The following MAPDA variants were observed in gnomAD, a reference collection of about 807,000 sequenced individuals.
The protein encoded by MAPDA is N6,N6-dimethyl-AMP deaminase.
chr15:43,347,169 G>A, the MAPDA span: 1 of 1,198,712 alleles, frequency 8.3e-7, no homozygotes, highest in Non-Finnish European at 1.2e-6. Flanking sequence ...TAAGTGACTA[G>A]GAATAAACCG....
chr15:43,334,111 GT>G, the MAPDA span, among the ~76,000 whole-genome samples: 2 of 151,408 alleles, frequency 1.3e-5, no homozygotes, highest in Non-Finnish European at 2.9e-5. Context: ...ACTGGCTCAT[GT>G]GGGAACATAG....
At chr15:43,337,231 G>A in the MAPDA span, among the ~76,000 whole-genome samples, 6 of 144,782 alleles carry the variant, frequency 4.1e-5, no homozygotes, top group Non-Finnish European at 6.0e-5. Flanking sequence ...AGCCGAGATC[G>A]CGCCACCGCA....
chr15:43,335,844 G>A, the MAPDA span: 2 of 1,601,314 alleles, frequency 1.2e-6, no homozygotes, highest in East Asian at 4.5e-5. Flanking sequence ...TGGGGAGGTT[G>A]TGGACATACT....
chr15:43,349,614 A>G, the MAPDA span, among the ~76,000 whole-genome samples: 1 of 152,244 alleles, frequency 6.6e-6, no homozygotes, highest in African/African-American at 2.4e-5. Flanking sequence ...AAAATTAAAC[A>G]GGCTGATATA....
chr15:43,335,791 T>C, the MAPDA span: 1 of 1,613,860 alleles, frequency 6.2e-7, no homozygotes. Flanking sequence ...ATCAGATGAC[T>C]GTGATTGACA....
chr15:43,351,519 G>T, the MAPDA span: 85 of 507,990 alleles, frequency 1.7e-4, no homozygotes, highest in South Asian at 2.6e-3. Context: ...GGCTTTAAAA[G>T]CTCCTTAGGT....
the MAPDA span, chr15:43,349,281 A>G: frequency 2.4e-5 from 30 of 1,235,884 alleles, no homozygotes; most frequent in East Asian, 3.1e-4. Context: ...ACATTCTCCA[A>G]TGCTTGGAAC....
the MAPDA span, among the ~76,000 whole-genome samples, chr15:43,350,300 G>A: frequency 1.3e-5 from 2 of 149,558 alleles, no homozygotes; most frequent in African/African-American, 4.9e-5. Context: ...GGATGGTCTC[G>A]ATCTCCTGAC....
the MAPDA span, among the ~76,000 whole-genome samples, chr15:43,341,812 A>T: frequency 6.6e-6 from 1 of 152,134 alleles, no homozygotes; most frequent in African/African-American, 2.4e-5. Flanking sequence ...GGAAAACAGT[A>T]GTTATCTCTG....
the MAPDA span, chr15:43,340,233 A>G: frequency 3.8e-6 from 6 of 1,585,286 alleles, no homozygotes; most frequent in Admixed American, 5.1e-5. Context: ...CCCAAACATT[A>G]TCAATATTGT....
At chr15:43,350,854 G>T in the MAPDA span, 1 of 1,173,436 alleles carries the variant, frequency 8.5e-7, no homozygotes, top group Non-Finnish European at 1.2e-6. Context: ...GCAAAATTTG[G>T]AAATATTTCT....
At chr15:43,334,633 T>TATATATATATATATATATATA in the MAPDA span, among the ~76,000 whole-genome samples, 1 of 65,172 alleles carries the variant, frequency 1.5e-5, no homozygotes, top group Non-Finnish European at 4.7e-5. Context: ...CTCAAAAAAA[T>TATATATATATATATATATATA]TATATATATA....
chr15:43,342,092 G>C, the MAPDA span, among the ~76,000 whole-genome samples: 4 of 152,016 alleles, frequency 2.6e-5, no homozygotes, highest in African/African-American at 9.7e-5. Context: ...GCCCGCCTCG[G>C]CCTCCGAAAC....
chr15:43,342,950 A>AGG, the MAPDA span: 14 of 1,373,910 alleles, frequency 1.0e-5, no homozygotes, highest in South Asian at 1.8e-4. Flanking sequence ...GGGATGAAAT[A>AGG]GTTGATGATC....
chr15:43,342,446 T>TAA, the MAPDA span, among the ~76,000 whole-genome samples: 3 of 113,616 alleles, frequency 2.6e-5, no homozygotes, highest in African/African-American at 3.3e-5. Flanking sequence ...ATATCCCTTT[T>TAA]AAAAAAAAAA....
chr15:43,335,587 C>T, the MAPDA span: 2 of 1,231,022 alleles, frequency 1.6e-6, no homozygotes, highest in Non-Finnish European at 2.2e-6. Context: ...TATTATGTAG[C>T]TAAATCTAGT....
chr15:43,341,862 C>T, the MAPDA span, among the ~76,000 whole-genome samples: 7 of 152,042 alleles, frequency 4.6e-5, no homozygotes, highest in South Asian at 2.1e-4. Context: ...TTTTTTGAGA[C>T]GGAGTCTTGC....
At chr15:43,352,999 G>A in the MAPDA span, 3 of 151,374 alleles carry the variant, frequency 2.0e-5, no homozygotes, top group Non-Finnish European at 4.4e-5. Flanking sequence ...AGGCTGGAGT[G>A]CAGTGACATG....
At chr15:43,335,115 A>C in the MAPDA span, 1 of 1,613,928 alleles carries the variant, frequency 6.2e-7, no homozygotes, top group Non-Finnish European at 8.5e-7. Context: ...AAAATGATAG[A>C]GGCAGAAGAG....
Sources: allele counts gnomAD v4.1 joint callset (sites outside exome capture counted in the v4.1 genomes callset), GRCh38; gene constraint gnomAD v4.1.1; transcripts MANE v1.5; gene names NCBI Gene and HGNC (gene_info 2026-07-23, HGNC 2026-07-21).